FAF1: variants seen among roughly 807,000 people sequenced by gnomAD.
FAF1 encodes the protein Fas associated factor 1, also known as FAS-associated factor 1.
In FAF1, 25 loss-of-function variants were observed where a neutral mutation model predicts 92.5. The ratio of observed to expected loss-of-function variants is 0.27; its 90% CI spans 0.20 to 0.38. The LOEUF is 0.38. Ranked by LOEUF, FAF1 falls within the 10% of genes least tolerant of loss-of-function variation. The pLI is 1.00. For synonymous variants in FAF1, 234 were observed against 273.2 expected (o/e 0.86, Z 1.42); for missense variants, 636 against 793.3 (o/e 0.80, Z 2.38).
intron 7 of FAF1, among the ~76,000 whole-genome samples, chr1:50,665,053 A>G (rs1655562875): frequency 6.6e-6 from 1 of 152,250 alleles, no homozygotes; most frequent in African/African-American, 2.4e-5. Context: ...ACTCAATAAA[A>G]GCTCTTAAAA....
intron 12 of FAF1, among the ~76,000 whole-genome samples, chr1:50,578,389 T>A (rs1572846392): frequency 6.6e-6 from 1 of 152,352 alleles, no homozygotes; most frequent in African/African-American, 2.4e-5. Flanking sequence ...GAAAAACGAT[T>A]CATTCAAAAA....
intron 4 of FAF1, among the ~76,000 whole-genome samples, chr1:50,761,243 G>A (rs534350937): frequency 8.5e-5 from 13 of 152,234 alleles, no homozygotes; most frequent in East Asian, 1.9e-4. Context: ...ATTCACAGCC[G>A]AATTCTACCA....
chr1:50,451,801 A>C, intron 18 of FAF1: 1 of 986,610 alleles, frequency 1.0e-6, no homozygotes, highest in Non-Finnish European at 1.2e-6. Context: ...ACCCAAGTTT[A>C]TTCAGCATTC....
At chr1:50,542,283 T>C (rs992354750) in intron 13 of FAF1, among the ~76,000 whole-genome samples, 3 of 152,200 alleles carry the variant, frequency 2.0e-5, no homozygotes, top group African/African-American at 7.2e-5. Context: ...ATTGTAAAAA[T>C]TCCTACTTGT....
chr1:50,914,313 A>C (rs1644906055), intron 1 of FAF1, among the ~76,000 whole-genome samples: 1 of 152,238 alleles, frequency 6.6e-6, no homozygotes, highest in Non-Finnish European at 1.5e-5. Flanking sequence ...GCATGTAAAT[A>C]AGTATACAAA....
chr1:50,714,930 A>G (rs1197440632), intron 6 of FAF1: 6 of 384,784 alleles, frequency 1.6e-5, no homozygotes, highest in African/African-American at 1.1e-4. Context: ...ATATTTATAT[A>G]CACATCCAAA....
intron 9 of FAF1, among the ~76,000 whole-genome samples, chr1:50,592,797 G>T (rs1651584037): frequency 6.6e-6 from 1 of 152,064 alleles, no homozygotes; most frequent in African/African-American, 2.4e-5. Flanking sequence ...AAAATGCCGG[G>T]CATGGTGGCA....
intron 6 of FAF1, among the ~76,000 whole-genome samples, chr1:50,734,245 A>T (rs115746354): frequency 0.013 from 1,983 of 152,346 alleles, 43 homozygotes; most frequent in African/African-American, 0.044. Flanking sequence ...TTCTGAAAAT[A>T]ACAGTAATCA....
intron 18 of FAF1, chr1:50,452,043 G>C (rs1203859396): frequency 7.6e-7 from 1 of 1,313,376 alleles, no homozygotes; most frequent in Non-Finnish European, 9.9e-7. Flanking sequence ...GCCCAGAGGG[G>C]ATTCTATTAA....
At chr1:50,941,859 T>C (rs1388953810) in intron 1 of FAF1, among the ~76,000 whole-genome samples, 1 of 152,258 alleles carries the variant, frequency 6.6e-6, no homozygotes, top group Non-Finnish European at 1.5e-5. Context: ...TTAAAATTCA[T>C]GTAAATTTTA....
At chr1:50,447,357 C>T (rs1282454676) in intron 18 of FAF1, among the ~76,000 whole-genome samples, 7 of 152,054 alleles carry the variant, frequency 4.6e-5, no homozygotes, top group African/African-American at 1.7e-4. Context: ...GATCTCCTGA[C>T]CTAGTGATCC....
intron 2 of FAF1, among the ~76,000 whole-genome samples, chr1:50,814,502 C>T (rs928747322): frequency 2.0e-5 from 3 of 152,152 alleles, no homozygotes; most frequent in Non-Finnish European, 2.9e-5. Context: ...ATACATTCAT[C>T]TACATGGCTG....
At chr1:50,823,964 A>G (rs190277463) in intron 2 of FAF1, among the ~76,000 whole-genome samples, 7 of 152,294 alleles carry the variant, frequency 4.6e-5, no homozygotes, top group Non-Finnish European at 1.5e-5. Context: ...TTAGATTTTT[A>G]AAAAATGCTT....
chr1:50,613,025 G>T (rs1235281994), intron 8 of FAF1, among the ~76,000 whole-genome samples: 1 of 152,154 alleles, frequency 6.6e-6, no homozygotes, highest in East Asian at 1.9e-4. Flanking sequence ...CTCTTAGTAG[G>T]TTGCTTTGTA....
intron 6 of FAF1, among the ~76,000 whole-genome samples, chr1:50,729,049 TATATATA>T (rs1246460470): frequency 5.2e-5 from 5 of 95,788 alleles, no homozygotes; most frequent in African/African-American, 2.3e-4. Context: ...TATATATATA[TATATATA>T]TATTTTTTTT....
chr1:50,470,458 C>T (rs1271099721), intron 18 of FAF1, among the ~76,000 whole-genome samples: 1 of 152,122 alleles, frequency 6.6e-6, no homozygotes, highest in Non-Finnish European at 1.5e-5. Flanking sequence ...AGATCCTTTG[C>T]AAATATCAGA....
At chr1:50,658,827 C>T (rs1655244845) in intron 7 of FAF1, among the ~76,000 whole-genome samples, 1 of 152,208 alleles carries the variant, frequency 6.6e-6, no homozygotes, top group Non-Finnish European at 1.5e-5. Context: ...CTAAAAGAAT[C>T]TTATGTTGAA....
chr1:50,444,885 A>T (rs1210368693), intron 18 of FAF1, among the ~76,000 whole-genome samples: 1 of 139,664 alleles, frequency 7.2e-6, no homozygotes, highest in East Asian at 2.6e-4. Flanking sequence ...TCTGACTAAC[A>T]TGTCAACAGG....
chr1:50,937,565 C>A (rs1645097771), intron 1 of FAF1, among the ~76,000 whole-genome samples: 1 of 152,006 alleles, frequency 6.6e-6, no homozygotes, highest in Admixed American at 6.6e-5. Flanking sequence ...GGGATTTCAG[C>A]CCTGGGACTT....
Sources: allele counts gnomAD v4.1 joint callset (sites outside exome capture counted in the v4.1 genomes callset), GRCh38; gene constraint gnomAD v4.1.1; transcripts MANE v1.5; gene names NCBI Gene and HGNC (gene_info 2026-07-23, HGNC 2026-07-21).